Variants in SH3KBP1 observed in about 807,000 individuals in gnomAD.
The protein encoded by SH3KBP1 is SH3 domain-containing kinase-binding protein 1.
In SH3KBP1, 8 loss-of-function variants were observed where a neutral mutation model predicts 50.1. The ratio of observed to expected loss-of-function variants is 0.16; its 90% CI spans 0.09 to 0.29. The LOEUF is 0.29. Ranked by LOEUF, SH3KBP1 falls within the 10% of genes least tolerant of loss-of-function variation. The pLI is 1.00. For synonymous variants in SH3KBP1, 227 were observed against 218.6 expected (o/e 1.04, Z -0.34); for missense variants, 377 against 535.2 (o/e 0.70, Z 2.92).
intron 2 of SH3KBP1, among the ~76,000 whole-genome samples, chrX:19,805,235 A>G (rs1443353471): frequency 1.8e-5 from 2 of 110,937 alleles, no homozygotes; most frequent in Non-Finnish European, 3.8e-5. Flanking sequence ...TGCTGGCAGC[A>G]TCGGCACTTG....
At chrX:19,785,603 T>C (rs761898643) in intron 2 of SH3KBP1, among the ~76,000 whole-genome samples, 1 of 111,939 alleles carries the variant, frequency 8.9e-6, no homozygotes, top group South Asian at 3.7e-4. Flanking sequence ...GGCATTCTGA[T>C]GTGCTACAGC....
In SH3KBP1 at chrX:19,774,695, AAAGAAAGAAAGAAAG is replaced by A. The variant is rs1219116537; in HGVS notation, c.163-28269_163-28255del. The stretch of plus-strand genomic sequence containing the variant: ...GAAAGAAAGAAAGAAAGAAAGAAAG[AAAGAAAGAAAGAAAG>A]AAGAAACCTAAGGAAATTCTAGTTT... On this transcript the variant is annotated intron_variant, in intron 2 of 17. Coordinates refer to ENST00000397821, the MANE Select transcript of SH3KBP1 (RefSeq NM_031892.3). 4.0e-5 allele frequency among the ~76,000 whole-genome samples: 4 copies of A among 99,095 alleles called. No homozygotes were observed. The East Asian group carries it at 8.7e-4, about 21-fold the overall frequency. 86.1% of individuals were successfully genotyped at this position (99,095 alleles called of 115,157 possible).
intron 8 of SH3KBP1, among the ~76,000 whole-genome samples, chrX:19,609,574 T>C (rs1025423890): frequency 8.9e-6 from 1 of 111,787 alleles, no homozygotes; most frequent in Non-Finnish European, 1.9e-5. Flanking sequence ...GAGGAGATCA[T>C]GTTCAGGGCC....
chrX:19,651,783 C>T (rs1261445827), intron 6 of SH3KBP1, among the ~76,000 whole-genome samples: 5 of 111,630 alleles, frequency 4.5e-5, no homozygotes, highest in Non-Finnish European at 9.4e-5. Context: ...TCACTTGAGC[C>T]AGGAAGTTCA....
At chrX:19,670,212 T>G (rs2148531042) in intron 6 of SH3KBP1, 1 of 182,939 alleles carries the variant, frequency 5.5e-6, no homozygotes, top group African/African-American at 3.1e-5. Context: ...TCTCCATACA[T>G]GAGTACATAC....
intron 2 of SH3KBP1, among the ~76,000 whole-genome samples, chrX:19,791,370 C>T (rs901227279): frequency 2.7e-5 from 3 of 111,176 alleles, no homozygotes; most frequent in African/African-American, 9.8e-5. Context: ...CTGAAAACAA[C>T]CCCAAATAGG....
chrX:19,836,242 A>G lies in SH3KBP1; in HGVS notation c.45T>C (p.Asp15=), dbSNP rs1197976817. The stretch of plus-strand genomic sequence containing the variant: ...CACCCACGCTGATCGTCAGCTCATC[A>G]TCGTGCTGGGCCTGGTAGTCAAACT... The part of the protein sequence containing the change: ...IVEFDYQAQH[D]DELTISVGEI... Residue 15 remains aspartate, a synonymous_variant, in exon 2 of 18, where the codon GAT becomes GAC. Coordinates refer to ENST00000397821, the MANE Select transcript of SH3KBP1 (RefSeq NM_031892.3). 8.3e-7 allele frequency: 1 copy of G among 1,211,005 alleles called. No homozygotes were observed. Among genetic ancestry groups the G allele is most frequent in the Admixed American group, 2.2e-5 (1 of 46,032 alleles).
chrX:19,869,557 C>G (rs1011078891), intron 1 of SH3KBP1, among the ~76,000 whole-genome samples: 25 of 112,365 alleles, frequency 2.2e-4, no homozygotes, highest in African/African-American at 7.8e-4. Context: ...ATTCACTCAC[C>G]CTGACCAGTC....
intron 1 of SH3KBP1, among the ~76,000 whole-genome samples, chrX:19,877,464 G>A (rs182339109): frequency 4.8e-4 from 54 of 111,909 alleles, no homozygotes; most frequent in Middle Eastern, 4.6e-3. Context: ...AAGCGTCTCC[G>A]TCTAGCTCCA....
chrX:19,594,404 C>T (rs963299409), intron 10 of SH3KBP1, among the ~76,000 whole-genome samples: 2 of 112,119 alleles, frequency 1.8e-5, no homozygotes, highest in Admixed American at 9.5e-5. Flanking sequence ...TTAGACTCTT[C>T]AAAATTAAAC....
intron 2 of SH3KBP1, among the ~76,000 whole-genome samples, chrX:19,797,528 C>A (rs887261097): frequency 7.2e-5 from 8 of 111,617 alleles, no homozygotes; most frequent in Non-Finnish European, 1.3e-4. Context: ...CAATGAAAAG[C>A]AAAAGAAAAG....
intron 2 of SH3KBP1, among the ~76,000 whole-genome samples, chrX:19,819,633 A>G (rs1029961096): frequency 1.8e-5 from 2 of 111,744 alleles, no homozygotes; most frequent in African/African-American, 6.5e-5. Context: ...TTCAAACATG[A>G]GCCACTGTAC....
chrX:19,554,494 C>T (rs939300875), intron 13 of SH3KBP1, among the ~76,000 whole-genome samples: 2 of 106,015 alleles, frequency 1.9e-5, no homozygotes, highest in African/African-American at 3.4e-5. Context: ...CTCTGCCTCC[C>T]GGGTTCAAGC....
chrX:19,592,944 G>C (rs1284002280), intron 10 of SH3KBP1, among the ~76,000 whole-genome samples: 1 of 112,311 alleles, frequency 8.9e-6, no homozygotes, highest in African/African-American at 3.2e-5. Flanking sequence ...TCCCAGATAT[G>C]ACGGAGCAGA....
intron 6 of SH3KBP1, chrX:19,647,939 G>A (rs2062025581): frequency 2.9e-6 from 1 of 345,728 alleles, no homozygotes. Flanking sequence ...GAGAACCACT[G>A]ACCTAGATGT....
rs755097961 is a variant in SH3KBP1 at position 19,537,720 on chromosome X, C to T, written c.1953G>A (p.Leu651=). Reference sequence around the variant, plus strand: ...AGCAGAACCCAAAGGGACGCACCTGCAACCGAAGCCGGATTTTCTTCTCTT... The same window carrying T: ...AGCAGAACCCAAAGGGACGCACCTGTAACCGAAGCCGGATTTTCTTCTCTT... ...LDEEKKIRLR[L]QMEVNDIKKA... The change falls in exon 17 of 18, where the codon TTG becomes TTA. Residue 651 remains leucine (L), a synonymous_variant. Coordinates refer to ENST00000397821, the MANE Select transcript of SH3KBP1 (RefSeq NM_031892.3). 2.5e-6 allele frequency: 3 copies of T among 1,210,547 alleles called. No homozygotes were observed. In the South Asian group the frequency reaches 5.3e-5, roughly 21 times the overall value.
chrX:19,586,222 T>C (rs938665029), intron 12 of SH3KBP1, among the ~76,000 whole-genome samples: 6 of 111,890 alleles, frequency 5.4e-5, no homozygotes, highest in African/African-American at 1.6e-4. Context: ...GCAAAGCCTG[T>C]ACCTATCCTA....
At chrX:19,788,807 T>C (rs1274463715) in intron 2 of SH3KBP1, among the ~76,000 whole-genome samples, 1 of 111,989 alleles carries the variant, frequency 8.9e-6, no homozygotes, top group Non-Finnish European at 1.9e-5. Flanking sequence ...TGAAAAGGAC[T>C]TAAAAGGAAA....
chrX:19,812,908 G>A (rs2067248111), intron 2 of SH3KBP1, among the ~76,000 whole-genome samples: 1 of 110,872 alleles, frequency 9.0e-6, no homozygotes, highest in African/African-American at 3.3e-5. Flanking sequence ...CCGGGAGGCG[G>A]AGGTTGCTGT....
Sources: allele counts gnomAD v4.1 joint callset (sites outside exome capture counted in the v4.1 genomes callset), GRCh38; gene constraint gnomAD v4.1.1; transcripts MANE v1.5; gene names NCBI Gene and HGNC (gene_info 2026-07-23, HGNC 2026-07-21).